Variants in RTN1 observed in about 807,000 individuals in gnomAD.
RTN1 encodes the protein reticulon 1, also known as reticulon-1.
RTN1 carries 25 observed loss-of-function variants against 65.5 expected under a neutral mutation model. The observed-to-expected ratio is 0.38, with a 90% CI of 0.28 to 0.53. The LOEUF (loss-of-function observed/expected upper bound fraction) is 0.53. Among genes scored for constraint, RTN1 ranks in the 20% least tolerant of loss-of-function variants. The pLI is 0.79. For missense variants in RTN1, 983 were observed against 1,025.4 expected, an observed-to-expected ratio of 0.96 and a Z score of 0.57; for synonymous variants, 471 against 447.6, an observed-to-expected ratio of 1.05 and a Z score of -0.66.
intron 3 of RTN1, among the ~76,000 whole-genome samples, chr14:59,616,936 A>T (rs1367808509): frequency 6.6e-6 from 1 of 152,234 alleles, no homozygotes; most frequent in Non-Finnish European, 1.5e-5. Context: ...CTAACAAGTG[A>T]GTAAAATATA....
In RTN1 at chr14:59,605,503, G is replaced by A. The variant is rs1881714480; in HGVS notation, c.1977C>T (p.Ala659=). The A allele has an allele frequency of 6.2e-7, 1 of 1,613,660 alleles. No individual in the cohort carries two copies. Among genetic ancestry groups the A allele is most frequent in the Non-Finnish European group, 8.5e-7 (1 of 1,179,878 alleles). The change falls in exon 5 of 9, where the codon GCC becomes GCT. Residue 659 remains alanine, a synonymous_variant. Transcript: ENST00000267484. The stretch of plus-strand genomic sequence containing the variant: ...AAAGGGTGATCTCAAGCTCCAAGTA[G>A]GCCCTGTCAACAAACCATTCCCACA... ...QKTDEGHPFK[A]YLELEITLSQ...
chr14:59,672,935 C>T (rs372620340), intron 3 of RTN1, among the ~76,000 whole-genome samples: 9 of 152,190 alleles, frequency 5.9e-5, no homozygotes, highest in East Asian at 5.8e-4. Context: ...CCACCGCGCC[C>T]GGCCAAGATA....
In RTN1 at chr14:59,679,312, G is replaced by A. The variant is rs182165315; in HGVS notation, c.1765+47607C>T. Among the ~76,000 whole-genome samples, 51 of 152,244 alleles carry A rather than the reference G, an allele frequency of 3.3e-4. 1 individual carries two copies. Among genetic ancestry groups the A allele is most frequent in the Middle Eastern group, 6.8e-3 (2 of 294 alleles). ...AATTGAGTTATCTATTAAACAAACA[G>A]AGCCACCAATGATAACCCATACACC... On this transcript the variant is annotated intron_variant, in intron 3 of 8. Coordinates refer to ENST00000267484, the MANE Select transcript of RTN1 (RefSeq NM_021136.3).
intron 3 of RTN1, among the ~76,000 whole-genome samples, chr14:59,656,548 G>A (rs752108832): frequency 1.8e-4 from 28 of 152,152 alleles, no homozygotes; most frequent in South Asian, 6.2e-4. Context: ...GAACAGAATC[G>A]ACAATCTAGA....
At position 59,596,719 on chromosome 14, in the gene RTN1, T is replaced by C. The variant is rs372606302; in HGVS notation, c.*26A>G. 4.3e-5 allele frequency: 67 copies of C among 1,575,202 alleles called. 3 individuals are homozygous for C. In the South Asian group the frequency reaches 6.9e-4, roughly 16 times the overall value. On this transcript the variant is annotated 3_prime_UTR_variant, in exon 9 of 9. Transcript: ENST00000267484. Reference sequence around the variant, plus strand: ...TTACCACTCCAGACATTCCTGTTTGTGTCCAGTCCCCGGTGGGAAATCAGT... The same window carrying C: ...TTACCACTCCAGACATTCCTGTTTGCGTCCAGTCCCCGGTGGGAAATCAGT...
chr14:59,638,381 C>T (rs1882709696), intron 3 of RTN1, among the ~76,000 whole-genome samples: 1 of 152,146 alleles, frequency 6.6e-6, no homozygotes, highest in Non-Finnish European at 1.5e-5. Context: ...ATTCAGTAAA[C>T]TATGCTGTAA....
At chr14:59,639,620 GAA>G (rs1196537685) in intron 3 of RTN1, among the ~76,000 whole-genome samples, 1 of 152,166 alleles carries the variant, frequency 6.6e-6, no homozygotes, top group East Asian at 1.9e-4. Flanking sequence ...TGAAGTAAGG[GAA>G]AACTGTGCTC....
rs564591476 is a variant in RTN1, at chr14:59,630,312, A to G, written c.1766-22820T>C. 343 of 1,076,660 alleles carry G rather than the reference A, an allele frequency of 3.2e-4. 6 individuals carry two copies. The South Asian group carries it at 5.0e-3, about 16-fold the overall frequency. The allele number at this position is 1,076,660 out of a possible 1,614,324, so 66.7% of individuals were successfully genotyped here. On this transcript the variant is annotated intron_variant, in intron 3 of 8. Transcript: ENST00000267484. ...TTTTGATTCTTGAAATAAGAGGTTT[A>G]CTACCCCCCAACACAAAGCTCTGGG...
intron 1 of RTN1, among the ~76,000 whole-genome samples, chr14:59,784,882 A>T (rs747741024): frequency 1.2e-4 from 19 of 152,230 alleles, no homozygotes; most frequent in Non-Finnish European, 2.4e-4. Context: ...ATAGGAGTGG[A>T]AGCAGGTAAA....
At chr14:59,797,271 T>C (rs866333270) in intron 1 of RTN1, among the ~76,000 whole-genome samples, 26 of 152,172 alleles carry the variant, frequency 1.7e-4, no homozygotes, top group African/African-American at 6.0e-4. Flanking sequence ...GAGTATGGGA[T>C]AATAATATGG....
chr14:59,771,133 G>C (rs1158344726), intron 1 of RTN1, among the ~76,000 whole-genome samples: 1 of 151,938 alleles, frequency 6.6e-6, no homozygotes, highest in East Asian at 1.9e-4. Context: ...TTTTGAACAT[G>C]ATCTGTATTA....
intron 2 of RTN1, among the ~76,000 whole-genome samples, chr14:59,741,674 G>A (rs563632888): frequency 1.4e-4 from 21 of 152,226 alleles, no homozygotes; most frequent in Middle Eastern, 6.8e-3. Flanking sequence ...CCTTCCCCAC[G>A]ATCTCGGCCC....
intron 3 of RTN1, among the ~76,000 whole-genome samples, chr14:59,659,295 A>G (rs149083315): frequency 7.2e-4 from 109 of 152,344 alleles, no homozygotes; most frequent in African/African-American, 2.6e-3. Flanking sequence ...GGGAGAATGG[A>G]ACCAAGTTGG....
At chr14:59,616,566 G>T (rs752735191) in intron 3 of RTN1, among the ~76,000 whole-genome samples, 36 of 152,110 alleles carry the variant, frequency 2.4e-4, no homozygotes, top group Non-Finnish European at 4.3e-4. Flanking sequence ...AAAATTATGG[G>T]AAACTTCTAT....
intron 1 of RTN1, among the ~76,000 whole-genome samples, chr14:59,811,218 G>A (rs1886722372): frequency 6.6e-6 from 1 of 152,092 alleles, no homozygotes; most frequent in South Asian, 2.1e-4. Context: ...CTGTATCACT[G>A]AGTTGTATTA....
chr14:59,749,328 C>CTA (rs1180061621), intron 1 of RTN1, among the ~76,000 whole-genome samples: 1 of 19,798 alleles, frequency 5.1e-5, no homozygotes, highest in African/African-American at 4.7e-4. Context: ...ATCTATATAT[C>CTA]TATATATATC....
chr14:59,686,902 TA>T (rs1883857906), intron 3 of RTN1, among the ~76,000 whole-genome samples: 1 of 152,188 alleles, frequency 6.6e-6, no homozygotes. Flanking sequence ...AGCCATTCTT[TA>T]GTGACCTGGC....
chr14:59,827,413 C>T (rs1018394391), intron 1 of RTN1, among the ~76,000 whole-genome samples: 5 of 152,042 alleles, frequency 3.3e-5, no homozygotes, highest in Non-Finnish European at 7.4e-5. Flanking sequence ...TTCTTTGCAT[C>T]GCTTGGGTTC....
chr14:59,820,356 G>GT (rs34274539), intron 1 of RTN1, among the ~76,000 whole-genome samples: 13,568 of 78,660 alleles, frequency 0.17, 1,570 homozygotes, highest in East Asian at 0.34. Flanking sequence ...CTTATTGATA[G>GT]TTTTTTTTTT....
Sources: allele counts gnomAD v4.1 joint callset (sites outside exome capture counted in the v4.1 genomes callset), GRCh38; gene constraint gnomAD v4.1.1; transcripts MANE v1.5; gene names NCBI Gene and HGNC (gene_info 2026-07-23, HGNC 2026-07-21).